SLC26A5: variants seen among roughly 807,000 people sequenced by gnomAD.
SLC26A5 encodes prestin.
Under a neutral mutation model 81.0 loss-of-function variants are expected in SLC26A5, and 51 were observed. That is an observed-to-expected ratio of 0.63 (90% CI 0.50 to 0.80). SLC26A5 has a LOEUF of 0.80. Among genes scored for constraint, SLC26A5 ranks in the 30% least tolerant of loss-of-function variants. SLC26A5 has a pLI of 0.00. For missense variants in SLC26A5, 771 were observed against 905.8 expected, an observed-to-expected ratio of 0.85 and a Z score of 1.91; for synonymous variants, 325 against 332.8, an observed-to-expected ratio of 0.98 and a Z score of 0.25.
At chr7:103,439,317 A>G (rs1235040378) in intron 2 of SLC26A5, among the ~76,000 whole-genome samples, 1 of 152,206 alleles carries the variant, frequency 6.6e-6, no homozygotes, top group Non-Finnish European at 1.5e-5. Context: ...AGGAAGAAAG[A>G]GAACACAGGC....
At chr7:103,425,372 C>T (rs1397126461) in intron 2 of SLC26A5, among the ~76,000 whole-genome samples, 2 of 152,182 alleles carry the variant, frequency 1.3e-5, no homozygotes, top group Admixed American at 1.3e-4. Context: ...CCAACTAGAG[C>T]ACAGCCTCCA....
chr7:103,401,663 T>C (rs1469770576), intron 8 of SLC26A5, among the ~76,000 whole-genome samples: 2 of 152,180 alleles, frequency 1.3e-5, no homozygotes, highest in East Asian at 1.9e-4. Flanking sequence ...ATGCTTCCAG[T>C]TTTTGCCTAT....
At chr7:103,366,332 C>T (rs1820717869) in intron 19 of SLC26A5, among the ~76,000 whole-genome samples, 1 of 152,204 alleles carries the variant, frequency 6.6e-6, no homozygotes, top group Non-Finnish European at 1.5e-5. Context: ...ACTATAAAGG[C>T]AAGAAGACAC....
intron 2 of SLC26A5, among the ~76,000 whole-genome samples, chr7:103,433,287 CT>C (rs577269002): frequency 6.6e-6 from 1 of 152,040 alleles, no homozygotes; most frequent in African/African-American, 2.4e-5. Context: ...TATTATTGTT[CT>C]TTTTTAAACA....
chr7:103,371,427 C>T (rs1821029670), downstream of SLC26A5, among the ~76,000 whole-genome samples: 1 of 151,266 alleles, frequency 6.6e-6, no homozygotes, highest in Admixed American at 6.6e-5. Context: ...CGGGTTCACG[C>T]CATTCTCCTG....
intron 19 of SLC26A5, chr7:103,354,886 AG>A: frequency 6.2e-7 from 1 of 1,612,854 alleles, no homozygotes; most frequent in Non-Finnish European, 8.5e-7. Flanking sequence ...CACTTACTCT[AG>A]GCAGATCAAG....
At chr7:103,397,357 T>TG (rs1448579469) in intron 9 of SLC26A5, among the ~76,000 whole-genome samples, 1 of 151,186 alleles carries the variant, frequency 6.6e-6, no homozygotes, top group African/African-American at 2.4e-5. Flanking sequence ...CTGGCTAACA[T>TG]GGTGAAACCC....
intron 10 of SLC26A5, 76 bp downstream of exon 10, chr7:103,392,843 C>T: frequency 6.3e-7 from 1 of 1,588,008 alleles, no homozygotes. Flanking sequence ...TCCCGAAGTG[C>T]TGGGATTACA....
chr7:103,395,440 A>G (rs1823010120), intron 9 of SLC26A5, among the ~76,000 whole-genome samples: 1 of 145,800 alleles, frequency 6.9e-6, no homozygotes, highest in Non-Finnish European at 1.5e-5. Context: ...TTAAGTAGAA[A>G]TTATAGTGAC....
chr7:103,364,429 G>C, intron 19 of SLC26A5: 1 of 1,121,862 alleles, frequency 8.9e-7, no homozygotes, highest in Middle Eastern at 2.9e-4. Flanking sequence ...CTTTTGTTGA[G>C]ACAGAGTCTC....
chr7:103,369,892 T>C (rs1250789466), downstream of SLC26A5, among the ~76,000 whole-genome samples: 1 of 152,236 alleles, frequency 6.6e-6, no homozygotes, highest in African/African-American at 2.4e-5. Context: ...GGTTTATCTG[T>C]TACGTAAAGT....
intron 8 of SLC26A5, among the ~76,000 whole-genome samples, chr7:103,402,910 C>G (rs763667580): frequency 3.9e-5 from 6 of 152,082 alleles, no homozygotes; most frequent in African/African-American, 7.2e-5. Flanking sequence ...TTCTTGTCTT[C>G]TGCCAGCTTT....
chr7:103,373,903 A>G (rs1452691275), downstream of SLC26A5, among the ~76,000 whole-genome samples: 1 of 152,190 alleles, frequency 6.6e-6, no homozygotes, highest in African/African-American at 2.4e-5. Context: ...AATGTCCTCA[A>G]TGCATTTATA....
At position 103,389,042 on chromosome 7, in the gene SLC26A5, T is replaced by G; in HGVS notation, c.1480A>C (p.Ile494Leu). Residue 494 changes from isoleucine (I) to leucine (L), a missense_variant, in exon 14 of 20, where the codon ATT becomes CTT. By Grantham distance (5) the Ile-to-Leu change is conservative. Transcript: ENST00000306312. The part of the protein sequence containing the change: ...LDYGLITAVI[I>L]ALLTVIYRTQ... ...CTGTAAATCACAGTCAGCAGAGCAA[T>G]GATCACAGCAGTGATCAAACCATAG... The G allele has an allele frequency of 6.2e-7, 1 of 1,613,676 alleles. No homozygotes were observed. Among genetic ancestry groups the G allele is most frequent in the Non-Finnish European group, 8.5e-7 (1 of 1,179,742 alleles).
chr7:103,414,224 C>T (rs1421726924), intron 4 of SLC26A5, among the ~76,000 whole-genome samples: 5 of 137,958 alleles, frequency 3.6e-5, no homozygotes, highest in Non-Finnish European at 6.1e-5. Context: ...CTTGCTCTGT[C>T]ACCCAGGCTG....
chr7:103,396,751 C>T (rs35833094), intron 9 of SLC26A5, among the ~76,000 whole-genome samples: 101,435 of 151,940 alleles, frequency 0.67, 37,291 homozygotes, highest in Middle Eastern at 0.82. Flanking sequence ...TGGAGATACG[C>T]TTTACAATAA....
intron 8 of SLC26A5, among the ~76,000 whole-genome samples, chr7:103,398,982 T>C (rs546298269): frequency 8.6e-4 from 131 of 152,300 alleles, no homozygotes; most frequent in African/African-American, 2.8e-3. Context: ...CCACAGAATA[T>C]ATATGGCTCA....
At chr7:103,434,206 T>C (rs10268890) in intron 2 of SLC26A5, among the ~76,000 whole-genome samples, 11,370 of 152,216 alleles carry the variant, frequency 0.075, 1,429 homozygotes, top group African/African-American at 0.26. Context: ...TCTGAAAATG[T>C]CTTCATTTCA....
At chr7:103,370,479 A>G (rs1473228171), downstream of SLC26A5, among the ~76,000 whole-genome samples, 1 of 151,660 alleles carries the variant, frequency 6.6e-6, no homozygotes. Flanking sequence ...CACGCAAGAG[A>G]GCAGACTCAT....
Sources: allele counts gnomAD v4.1 joint callset (sites outside exome capture counted in the v4.1 genomes callset), GRCh38; gene constraint gnomAD v4.1.1; transcripts MANE v1.5; gene names NCBI Gene and HGNC (gene_info 2026-07-23, HGNC 2026-07-21).